The following KCNT2 variants were observed in gnomAD, a reference collection of about 807,000 sequenced individuals.
KCNT2 encodes the protein potassium sodium-activated channel subfamily T member 2.
Under a neutral mutation model 153.8 loss-of-function variants are expected in KCNT2, and 67 were observed. The ratio of observed to expected loss-of-function variants is 0.44; its 90% CI spans 0.36 to 0.53. The LOEUF is 0.53. KCNT2 is among the 20% of genes least tolerant of loss of function. KCNT2 has a pLI of 0.00. For synonymous variants in KCNT2, 500 were observed against 458.8 expected, an observed-to-expected ratio of 1.09 and a Z score of -1.15; for missense variants, 975 against 1,354.8, an observed-to-expected ratio of 0.72 and a Z score of 4.40.
intron 1 of KCNT2, among the ~76,000 whole-genome samples, chr1:196,555,972 C>G (rs1262871187): frequency 6.6e-6 from 1 of 151,152 alleles, no homozygotes; most frequent in East Asian, 1.9e-4. Flanking sequence ...AAATTTGACC[C>G]CTATATCTCA....
rs146305779 is a variant in KCNT2 at position 196,514,635 on chromosome 1, T to G, written c.96-22294A>C. On this transcript the variant is annotated intron_variant, in intron 1 of 27. Transcript: ENST00000294725. ...TGTTGTATTTACCTATAAACTTACATATTTAAATGTGTTGCATTTGTATTT... is the reference window on the plus strand; with the variant it reads ...TGTTGTATTTACCTATAAACTTACAGATTTAAATGTGTTGCATTTGTATTT... Among the ~76,000 whole-genome samples the G allele has an allele frequency of 1.0e-3, 152 of 152,352 alleles. 1 individual carries two copies. The highest frequency in any genetic ancestry group is 3.4e-3 in the Middle Eastern group (1 of 294).
At chr1:196,369,980 C>A (rs1450871873) in intron 14 of KCNT2, among the ~76,000 whole-genome samples, 3 of 152,018 alleles carry the variant, frequency 2.0e-5, no homozygotes, top group Non-Finnish European at 4.4e-5. Flanking sequence ...TGCTCACCAT[C>A]ACTGGCCATC....
intron 22 of KCNT2, 102 bp downstream of exon 22, chr1:196,305,132 T>C (rs1661510106): frequency 4.2e-6 from 3 of 706,088 alleles, no homozygotes; most frequent in East Asian, 2.8e-5. Context: ...CAAAACAGCA[T>C]TTTAGTTTTA....
At chr1:196,240,708 G>A (rs1166327082) in intron 26 of KCNT2, among the ~76,000 whole-genome samples, 1 of 151,988 alleles carries the variant, frequency 6.6e-6, no homozygotes, top group African/African-American at 2.4e-5. Flanking sequence ...TTGAGATGAT[G>A]TTGAACAGGC....
intron 1 of KCNT2, among the ~76,000 whole-genome samples, chr1:196,559,222 T>C (rs1452036178): frequency 6.6e-6 from 1 of 151,634 alleles, no homozygotes; most frequent in Non-Finnish European, 1.5e-5. Context: ...CTTTCTCTTA[T>C]TAATTTATAT....
At chr1:196,331,110 G>T in intron 18 of KCNT2, 46 bp downstream of exon 18, 1 of 992,086 alleles carries the variant, frequency 1.0e-6, no homozygotes, top group Non-Finnish European at 1.6e-6. Flanking sequence ...ACTATAAAAT[G>T]CTATAATTTT....
chr1:196,342,765 G>A (rs925686828), intron 14 of KCNT2, among the ~76,000 whole-genome samples: 9 of 151,392 alleles, frequency 5.9e-5, no homozygotes, highest in African/African-American at 1.7e-4. Flanking sequence ...TGTTCATATC[G>A]TAGCAATAAC....
At chr1:196,581,074 G>T (rs534153056) in intron 1 of KCNT2, among the ~76,000 whole-genome samples, 8 of 151,950 alleles carry the variant, frequency 5.3e-5, no homozygotes, top group Admixed American at 3.9e-4. Context: ...TTTACAAAAC[G>T]TACAGTTTTT....
chr1:196,398,637 T>C lies in KCNT2; in HGVS notation c.1220A>G (p.Lys407Arg). 6.2e-7 allele frequency: 1 copy of C among 1,607,174 alleles called. No homozygotes were observed. The change falls in exon 13 of 28, where the codon AAA (lysine) becomes AGA (arginine). Residue 407 changes from lysine (K) to arginine (R), a missense_variant. This residue lies in a region of KCNT2 where 202 missense variants were observed against 314.9 expected (regional missense o/e 0.64). Transcript: ENST00000294725. ...CAAAGGACAATTTGGAGCAAAATCT[T>C]TCACAGCCCATGCTCTCAAAATTGT... ...HQTILRAWAVKDFAPNCPLYV... is the reference protein window; with the variant it reads ...HQTILRAWAVRDFAPNCPLYV...
intron 21 of KCNT2, among the ~76,000 whole-genome samples, chr1:196,306,439 A>G (rs1410354962): frequency 2.0e-5 from 3 of 152,052 alleles, no homozygotes; most frequent in Non-Finnish European, 4.4e-5. Context: ...GATGTGGTAC[A>G]TGCTTCTTTT....
At chr1:196,480,302 G>T (rs188357630) in intron 4 of KCNT2, among the ~76,000 whole-genome samples, 1,630 of 152,094 alleles carry the variant, frequency 0.011, 16 homozygotes, top group Non-Finnish European at 0.018. Flanking sequence ...TTTTTCTTCT[G>T]TTGGGATAAA....
chr1:196,255,253 A>T (rs1242292917), intron 26 of KCNT2, among the ~76,000 whole-genome samples: 1 of 151,798 alleles, frequency 6.6e-6, no homozygotes, highest in Non-Finnish European at 1.5e-5. Flanking sequence ...ATTATTTGAC[A>T]ATTATAACTA....
At chr1:196,345,175 C>A (rs1666036543) in intron 14 of KCNT2, among the ~76,000 whole-genome samples, 1 of 151,882 alleles carries the variant, frequency 6.6e-6, no homozygotes, top group African/African-American at 2.4e-5. Flanking sequence ...TGGGAGAGGG[C>A]CAACAATAAA....
chr1:196,238,085 C>T (rs997688283), intron 26 of KCNT2, among the ~76,000 whole-genome samples: 7 of 151,710 alleles, frequency 4.6e-5, no homozygotes, highest in Non-Finnish European at 8.8e-5. Context: ...TATATAACTC[C>T]GTTTCTTTTA....
chr1:196,446,751 T>C lies in KCNT2; in HGVS notation c.639-16994A>G, dbSNP rs1328512218. ...TTTAAAACCTAGTGAACTAAACCAGTAATAGTTATTAAGCTACTAATTAAC... is the reference window on the plus strand; with the variant it reads ...TTTAAAACCTAGTGAACTAAACCAGCAATAGTTATTAAGCTACTAATTAAC... On this transcript the variant is annotated intron_variant, in intron 8 of 27. Transcript: ENST00000294725. 4.0e-5 allele frequency among the ~76,000 whole-genome samples: 6 copies of C among 151,574 alleles called. No homozygotes were observed. In the South Asian group the frequency reaches 1.0e-3, roughly 26 times the overall value.
At chr1:196,327,157 A>T (rs1663943554) in intron 18 of KCNT2, among the ~76,000 whole-genome samples, 1 of 152,094 alleles carries the variant, frequency 6.6e-6, no homozygotes, top group Admixed American at 6.6e-5. Flanking sequence ...TTCTATTGTA[A>T]ACTAAAGTTT....
chr1:196,307,262 T>C (rs1661720272), intron 21 of KCNT2, among the ~76,000 whole-genome samples: 1 of 152,156 alleles, frequency 6.6e-6, no homozygotes, highest in South Asian at 2.1e-4. Flanking sequence ...TCTTAGTTTT[T>C]AAAATTTTTC....
chr1:196,395,951 T>A (rs1670903112), intron 13 of KCNT2, among the ~76,000 whole-genome samples: 1 of 151,786 alleles, frequency 6.6e-6, no homozygotes, highest in Non-Finnish European at 1.5e-5. Context: ...TATTGTCAAG[T>A]AAATACGATT....
chr1:196,528,292 T>C (rs1346836099), intron 1 of KCNT2, among the ~76,000 whole-genome samples: 1 of 152,206 alleles, frequency 6.6e-6, no homozygotes, highest in Non-Finnish European at 1.5e-5. Flanking sequence ...ATTACAAATC[T>C]GGGTAGCCCC....
Sources: allele counts gnomAD v4.1 joint callset (sites outside exome capture counted in the v4.1 genomes callset), GRCh38; gene constraint gnomAD v4.1.1; regional missense constraint gnomAD v4.1.1; transcripts MANE v1.5; gene names NCBI Gene and HGNC (gene_info 2026-07-23, HGNC 2026-07-21).